Variants in SIPA1L1 observed in about 807,000 individuals in gnomAD.
SIPA1L1 encodes signal-induced proliferation-associated 1-like protein 1.
Under a neutral mutation model 162.7 loss-of-function variants are expected in SIPA1L1, and 26 were observed. The ratio of observed to expected loss-of-function variants is 0.16; its 90% confidence interval spans 0.12 to 0.22. SIPA1L1 has a LOEUF of 0.22. SIPA1L1 is among the 10% of genes least tolerant of loss of function. SIPA1L1 has a pLI of 1.00. For missense variants in SIPA1L1, 1,874 were observed against 2,241.0 expected (o/e 0.84, Z 3.31); for synonymous variants, 829 against 837.4 (o/e 0.99, Z 0.17).
chr14:71,362,432 G>A (rs1453680088), intron 2 of SIPA1L1, among the ~76,000 whole-genome samples: 1 of 152,166 alleles, frequency 6.6e-6, no homozygotes, highest in Admixed American at 6.5e-5. Context: ...TGGAAGGCTG[G>A]GGTTTGAGCT....
At chr14:71,525,894 T>C (rs2052819491) in intron 3 of SIPA1L1, among the ~76,000 whole-genome samples, 1 of 152,226 alleles carries the variant, frequency 6.6e-6, no homozygotes, top group African/African-American at 2.4e-5. Flanking sequence ...TTTCTACCAG[T>C]CTCTTCACCC....
At chr14:71,544,202 T>C (rs1202125378) in intron 4 of SIPA1L1, among the ~76,000 whole-genome samples, 6 of 145,816 alleles carry the variant, frequency 4.1e-5, no homozygotes, top group East Asian at 1.9e-4. Flanking sequence ...CATATGCATG[T>C]ATGCACATGC....
intron 10 of SIPA1L1, among the ~76,000 whole-genome samples, chr14:71,663,577 C>T (rs1200134079): frequency 6.6e-6 from 1 of 152,198 alleles, no homozygotes; most frequent in Non-Finnish European, 1.5e-5. Context: ...GCTGTGGCCA[C>T]TGTAATGAAC....
Position 71,658,351 on chromosome 14 carries a change from A to C in SIPA1L1, c.2012A>C (p.His671Pro). The change falls in exon 9 of 24, where the codon CAT (histidine) becomes CCT (proline). Residue 671 changes from histidine to proline, a missense_variant. Physicochemically the swap from His to Pro is moderately conservative, Grantham distance 77. Coordinates refer to ENST00000381232, the MANE Select transcript of SIPA1L1 (RefSeq NM_001386936.1). ...ACTGTAGCTGACTCCACTGGAACCCATTCTCTGTACACAACATACAAAGAT... is the reference window on the plus strand; with the variant it reads ...ACTGTAGCTGACTCCACTGGAACCCCTTCTCTGTACACAACATACAAAGAT... ...LDTKTDSTGT[H>P]SLYTTYKDYE... The C allele has an allele frequency of 6.2e-7, 1 of 1,606,100 alleles. No homozygotes were observed. Among genetic ancestry groups the C allele is most frequent in the Non-Finnish European group, 8.5e-7 (1 of 1,172,888 alleles).
At chr14:71,364,388 A>G (rs1260712887) in intron 2 of SIPA1L1, among the ~76,000 whole-genome samples, 1 of 151,856 alleles carries the variant, frequency 6.6e-6, no homozygotes, top group Non-Finnish European at 1.5e-5. Context: ...CCTCTGACCT[A>G]TTTTCTCTTC....
chr14:71,485,662 TGTA>T lies in SIPA1L1; in HGVS notation c.-464-27080_-464-27078del, dbSNP rs558570442. Among the ~76,000 whole-genome samples, 164 of 152,160 alleles carry T rather than the reference TGTA, an allele frequency of 1.1e-3. 1 individual carries two copies. Among genetic ancestry groups the T allele is most frequent in the Non-Finnish European group, 2.0e-3 (135 of 68,016 alleles). On this transcript the variant is annotated intron_variant, in intron 2 of 23. Transcript: ENST00000381232. ...ATAATTATTTTATTATGTATTATAA[TGTA>T]ATAATAATAAAAATAAAGTGCATGA...
chr14:71,453,481 A>G (rs982513804), intron 2 of SIPA1L1, among the ~76,000 whole-genome samples: 13 of 152,128 alleles, frequency 8.5e-5, no homozygotes, highest in African/African-American at 2.7e-4. Flanking sequence ...CCCAGGCTGC[A>G]TCGTAACTTT....
intron 4 of SIPA1L1, among the ~76,000 whole-genome samples, chr14:71,560,421 C>T (rs2056696143): frequency 6.6e-6 from 1 of 152,140 alleles, no homozygotes; most frequent in Admixed American, 6.6e-5. Flanking sequence ...ATGGCTGTTG[C>T]TCTTCTAGGT....
At chr14:71,484,313 TC>T (rs1329914357) in intron 2 of SIPA1L1, among the ~76,000 whole-genome samples, 10 of 151,708 alleles carry the variant, frequency 6.6e-5, no homozygotes, top group African/African-American at 1.4e-4. Flanking sequence ...TTTTTTTTTT[TC>T]CTTTTTGAAC....
intron 2 of SIPA1L1, among the ~76,000 whole-genome samples, chr14:71,366,589 A>G (rs1307910607): frequency 6.6e-6 from 1 of 152,030 alleles, no homozygotes; most frequent in Non-Finnish European, 1.5e-5. Context: ...GCCCGCCACC[A>G]TGCCTGGCTA....
At chr14:71,330,327 T>C in intron 2 of SIPA1L1, 2 of 794,376 alleles carry the variant, frequency 2.5e-6, no homozygotes, top group Non-Finnish European at 4.6e-6. Context: ...GGCTGTGGGC[T>C]GTAACTCTCT....
chr14:71,416,679 A>G (rs1169844492), intron 2 of SIPA1L1, among the ~76,000 whole-genome samples: 2 of 151,642 alleles, frequency 1.3e-5, no homozygotes, highest in Non-Finnish European at 2.9e-5. Flanking sequence ...TACTTAAGGG[A>G]TATCTAAAAC....
Position 71,724,711 on chromosome 14 carries a change from T to G in SIPA1L1, c.4490T>G (p.Leu1497Arg). 6.2e-7 allele frequency: 1 copy of G among 1,614,194 alleles called. No homozygotes were observed. Among genetic ancestry groups the G allele is most frequent in the Non-Finnish European group, 8.5e-7 (1 of 1,180,030 alleles). Residue 1497 changes from leucine to arginine, a missense_variant, in exon 19 of 24, where the codon CTG (leucine) becomes CGG (arginine). By Grantham distance (102) the Leu-to-Arg change is moderately radical (BLOSUM62 -2). Transcript: ENST00000381232. ...GGCAATGAAATAGCCCACACCAGGC[T>G]GCGTGCCTCAACCAGAGACCTCCGG... is the stretch of plus-strand genomic sequence containing the variant. ...SDGNEIAHTR[L>R]RASTRDLRAS...
At chr14:71,418,939 G>A (rs56979877) in intron 2 of SIPA1L1, among the ~76,000 whole-genome samples, 3,266 of 152,264 alleles carry the variant, frequency 0.021, 119 homozygotes, top group African/African-American at 0.074. Context: ...AGCGTTGAAT[G>A]TCCTTGGCTT....
At chr14:71,522,950 G>A (rs904122119) in intron 3 of SIPA1L1, among the ~76,000 whole-genome samples, 4 of 152,088 alleles carry the variant, frequency 2.6e-5, no homozygotes, top group African/African-American at 4.8e-5. Context: ...TGCAATTACA[G>A]GTGTGAGCCA....
At chr14:71,528,971 G>T (rs983441629) in intron 3 of SIPA1L1, among the ~76,000 whole-genome samples, 1 of 152,142 alleles carries the variant, frequency 6.6e-6, no homozygotes, top group South Asian at 2.1e-4. Flanking sequence ...AATTAGCTGG[G>T]CGTGGTGGCA....
intron 7 of SIPA1L1, among the ~76,000 whole-genome samples, chr14:71,633,155 A>ATGTTATGTTATGTTATGTTATGTTC (rs1555488061): frequency 2.4e-5 from 3 of 126,006 alleles, no homozygotes; most frequent in South Asian, 2.5e-4. Flanking sequence ...ATGTTATGTT[A>ATGTTATGTTATGTTATGTTATGTTC]TGTTCTGTTC....
At chr14:71,518,620 G>T (rs1388796540) in intron 3 of SIPA1L1, among the ~76,000 whole-genome samples, 1 of 151,872 alleles carries the variant, frequency 6.6e-6, no homozygotes, top group Non-Finnish European at 1.5e-5. Context: ...ACTAGTATTG[G>T]CACCATTGAT....
intron 4 of SIPA1L1, among the ~76,000 whole-genome samples, chr14:71,539,898 T>C (rs1238843252): frequency 6.6e-6 from 1 of 152,188 alleles, no homozygotes; most frequent in Non-Finnish European, 1.5e-5. Context: ...CTATTGTCTA[T>C]ATTGTCAGCA....
Sources: allele counts gnomAD v4.1 joint callset (sites outside exome capture counted in the v4.1 genomes callset), GRCh38; gene constraint gnomAD v4.1.1; transcripts MANE v1.5; gene names NCBI Gene and HGNC (gene_info 2026-07-23, HGNC 2026-07-21).